Variants in HERC3 observed in about 807,000 individuals in gnomAD.
HERC3 encodes probable E3 ubiquitin-protein ligase HERC3.
HERC3 carries 58 observed loss-of-function variants against 129.9 expected under a neutral mutation model. The ratio of observed to expected loss-of-function variants is 0.45; its 90% CI spans 0.36 to 0.56. The LOEUF is 0.56. HERC3 is among the 20% of genes least tolerant of loss of function. HERC3 has a pLI of 0.00. For missense variants in HERC3, 835 were observed against 1,244.2 expected, an observed-to-expected ratio of 0.67 and a Z score of 4.95; for synonymous variants, 430 against 451.0, an observed-to-expected ratio of 0.95 and a Z score of 0.59.
the HERC3 span, among the ~76,000 whole-genome samples, chr4:88,543,423 C>T: frequency 3.1e-4 from 47 of 152,120 alleles, 1 homozygote; most frequent in East Asian, 6.2e-3. Context: ...CACTGCTCAA[C>T]GAAATAAAAG....
intron 7 of HERC3, 143 bp from the exon 8 acceptor site, chr4:88,655,031 C>T: frequency 1.6e-6 from 1 of 625,270 alleles, no homozygotes; most frequent in South Asian, 3.2e-5. Flanking sequence ...ATTTAATGAA[C>T]ATCCTTACAA....
At chr4:88,668,506 C>T (rs1313758007) in intron 14 of HERC3, 2 of 166,918 alleles carry the variant, frequency 1.2e-5, no homozygotes, top group African/African-American at 2.4e-5. Flanking sequence ...TGTGGACTTA[C>T]CAAATGTTTG....
At chr4:88,525,000 T>G in the HERC3 span, 2 of 150,268 alleles carry the variant, frequency 1.3e-5, no homozygotes, top group Non-Finnish European at 2.9e-5. Context: ...AATTTTTTGT[T>G]TGTTTTTTGG....
intron 2 of HERC3, among the ~76,000 whole-genome samples, chr4:88,602,234 C>G (rs34342312): frequency 6.6e-6 from 1 of 151,584 alleles, no homozygotes; most frequent in African/African-American, 2.4e-5. Flanking sequence ...AACCCTGTCT[C>G]TACTAAAATA....
the HERC3 span, among the ~76,000 whole-genome samples, chr4:88,554,868 T>C: frequency 6.6e-6 from 1 of 152,220 alleles, no homozygotes; most frequent in Non-Finnish European, 1.5e-5. Context: ...TTTTGGATGA[T>C]GATTTTCAGG....
the HERC3 span, among the ~76,000 whole-genome samples, chr4:88,583,439 C>CAAAA: frequency 8.2e-6 from 1 of 122,160 alleles, no homozygotes; most frequent in Non-Finnish European, 1.8e-5. Context: ...GACTCCTTCT[C>CAAAA]AAAAAAAAAA....
At chr4:88,692,928 T>C (rs919123400) in intron 23 of HERC3, 9 of 985,320 alleles carry the variant, frequency 9.1e-6, no homozygotes, top group Non-Finnish European at 9.6e-6. Context: ...AAGACTTTGC[T>C]GTTTTTCGTT....
In HERC3 at chr4:88,658,404, T is replaced by G; in HGVS notation, c.1070-11T>G. 7 of 1,543,768 alleles carry G rather than the reference T, an allele frequency of 4.5e-6. No individual in the cohort carries two copies. The highest frequency in any genetic ancestry group is 6.2e-6 in the Non-Finnish European group (7 of 1,133,242). Reference sequence around the variant, plus strand: ...ATGAAAAATATGCTTTCGGAATTTTTTTTTTGACAGATCGCTTTAAATATC... The same window carrying G: ...ATGAAAAATATGCTTTCGGAATTTTGTTTTTGACAGATCGCTTTAAATATC... On this transcript the variant is annotated splice_polypyrimidine_tract_variant and intron_variant, in intron 9 of 25. Transcript: ENST00000402738.
chr4:88,552,148 GC>G, the HERC3 span, among the ~76,000 whole-genome samples: 1 of 149,136 alleles, frequency 6.7e-6, no homozygotes, highest in Non-Finnish European at 1.5e-5. Context: ...GTGGGGGGAG[GC>G]GGGAGGGATA....
At chr4:88,535,923 T>C in the HERC3 span, among the ~76,000 whole-genome samples, 7 of 152,244 alleles carry the variant, frequency 4.6e-5, no homozygotes, top group Non-Finnish European at 7.3e-5. Context: ...TAATGTAAGA[T>C]AGAAAGATGG....
chr4:88,541,054 C>A, the HERC3 span, among the ~76,000 whole-genome samples: 2 of 152,254 alleles, frequency 1.3e-5, no homozygotes, highest in East Asian at 3.9e-4. Flanking sequence ...AAATAACCAG[C>A]TAACATCATA....
intron 23 of HERC3, among the ~76,000 whole-genome samples, chr4:88,694,964 T>C (rs1734446628): frequency 6.6e-6 from 1 of 152,220 alleles, no homozygotes; most frequent in Admixed American, 6.5e-5. Context: ...TTGATTCTCT[T>C]GGGTTTTCTA....
At chr4:88,636,133 A>G (rs186680062) in intron 3 of HERC3, among the ~76,000 whole-genome samples, 19 of 152,342 alleles carry the variant, frequency 1.2e-4, no homozygotes, top group Admixed American at 1.0e-3. Context: ...GACAGGATCA[A>G]ATTCACACAT....
chr4:88,567,835 A>G, the HERC3 span, among the ~76,000 whole-genome samples: 5 of 152,094 alleles, frequency 3.3e-5, no homozygotes, highest in East Asian at 9.6e-4. Context: ...GTTTTCCTGG[A>G]TGGTCTTGAT....
At chr4:88,545,389 T>G in the HERC3 span, among the ~76,000 whole-genome samples, 1 of 151,600 alleles carries the variant, frequency 6.6e-6, no homozygotes, top group Non-Finnish European at 1.5e-5. Context: ...CATATTTAAA[T>G]TTGTGTAATT....
At chr4:88,576,764 G>A in the HERC3 span, among the ~76,000 whole-genome samples, 37 of 152,164 alleles carry the variant, frequency 2.4e-4, no homozygotes, top group Middle Eastern at 3.4e-3. Context: ...CCACTTGGAT[G>A]TTGCCTTTTA....
rs547310047 is a variant in HERC3 at position 88,683,411 on chromosome 4, A to C, written c.2507+2086A>C. Among the ~76,000 whole-genome samples, 21 of 152,330 alleles carry C rather than the reference A, an allele frequency of 1.4e-4. 1 individual carries two copies. In the South Asian group the frequency reaches 4.3e-3, roughly 32 times the overall value. ...ACACAGAGTGGAAGAAAAAACTTAGAAGTAATACTAAAAAGTGGCACAGGA... is the reference window on the plus strand; with the variant it reads ...ACACAGAGTGGAAGAAAAAACTTAGCAGTAATACTAAAAAGTGGCACAGGA... On this transcript the variant is annotated intron_variant, in intron 21 of 25. Coordinates refer to ENST00000402738, the MANE Select transcript of HERC3 (RefSeq NM_014606.3).
intron 23 of HERC3, among the ~76,000 whole-genome samples, chr4:88,698,972 T>TC (rs1735001872): frequency 1.2e-5 from 1 of 80,912 alleles, no homozygotes; most frequent in South Asian, 6.5e-4. Flanking sequence ...CTTCCTCACC[T>TC]TCCCCCCACC....
At chr4:88,566,546 C>T in the HERC3 span, among the ~76,000 whole-genome samples, 1 of 152,096 alleles carries the variant, frequency 6.6e-6, no homozygotes, top group Admixed American at 6.5e-5. Flanking sequence ...TACCACAGTT[C>T]AGTGTTATAA....
Sources: gnomAD v4.1 joint callset for allele counts (sites outside exome capture counted in the v4.1 genomes callset) on GRCh38, gnomAD v4.1.1 for gene constraint, MANE v1.5 for transcripts, NCBI Gene and HGNC (gene_info 2026-07-23, HGNC 2026-07-21) for gene names.